Variants in CCSER1 observed in about 807,000 individuals in gnomAD.
CCSER1 encodes coiled-coil serine rich protein 1.
Under a neutral mutation model 82.0 loss-of-function variants are expected in CCSER1, and 41 were observed. The observed-to-expected ratio is 0.50, with a 90% CI of 0.39 to 0.65. The LOEUF (loss-of-function observed/expected upper bound fraction) is 0.65, where lower values mean the gene tolerates loss of function less well. Ranked by LOEUF, CCSER1 falls within the 30% of genes least tolerant of loss-of-function variation. The pLI, the probability that CCSER1 is intolerant of heterozygous loss-of-function variation, is 0.00. For synonymous variants in CCSER1, 414 were observed against 383.9 expected, an observed-to-expected ratio of 1.08 and a Z score of -0.92; for missense variants, 1,119 against 1,064.2, an observed-to-expected ratio of 1.05 and a Z score of -0.72.
intron 8 of CCSER1, among the ~76,000 whole-genome samples, chr4:90,914,436 T>C (rs1271376201): frequency 6.6e-6 from 1 of 152,162 alleles, no homozygotes; most frequent in Non-Finnish European, 1.5e-5. Flanking sequence ...AAGATGTTTT[T>C]TGAAACCAAT....
chr4:91,204,162 C>T (rs1238137439), intron 10 of CCSER1, among the ~76,000 whole-genome samples: 4 of 151,840 alleles, frequency 2.6e-5, no homozygotes, highest in Non-Finnish European at 4.4e-5. Context: ...TTTTATAAAG[C>T]TTAGGAATGG....
chr4:90,544,090 G>T (rs1776453574), intron 5 of CCSER1, among the ~76,000 whole-genome samples: 1 of 152,024 alleles, frequency 6.6e-6, no homozygotes, highest in Non-Finnish European at 1.5e-5. Flanking sequence ...ACCGGATGAG[G>T]GCCAGGTGAT....
intron 9 of CCSER1, among the ~76,000 whole-genome samples, chr4:91,059,256 GTT>G (rs11288453): frequency 2.5e-5 from 3 of 119,512 alleles, no homozygotes; most frequent in Non-Finnish European, 3.8e-5. Flanking sequence ...ATATAATAAA[GTT>G]TTTTTTTTCT....
At chr4:90,942,927 A>T (rs1731765149) in intron 9 of CCSER1, among the ~76,000 whole-genome samples, 1 of 146,986 alleles carries the variant, frequency 6.8e-6, no homozygotes, top group African/African-American at 2.5e-5. Context: ...TGTATATATT[A>T]TATAATTTTT....
chr4:90,276,631 C>G (rs762500883), intron 1 of CCSER1, among the ~76,000 whole-genome samples: 2 of 152,026 alleles, frequency 1.3e-5, no homozygotes, highest in Non-Finnish European at 2.9e-5. Flanking sequence ...TAGGCGTGAG[C>G]CACTGTGCCT....
chr4:90,571,495 C>G (rs1159058945), intron 5 of CCSER1, among the ~76,000 whole-genome samples: 1 of 152,116 alleles, frequency 6.6e-6, no homozygotes, highest in Non-Finnish European at 1.5e-5. Context: ...AATGCAGAAA[C>G]AGAAAACCAA....
chr4:91,374,156 A>G (rs1319204004), intron 10 of CCSER1, among the ~76,000 whole-genome samples: 2 of 152,192 alleles, frequency 1.3e-5, no homozygotes, highest in East Asian at 3.9e-4. Context: ...GCAGCAAGTT[A>G]TCTAGTAGAT....
chr4:90,155,291 T>C (rs1029475832), intron 1 of CCSER1, among the ~76,000 whole-genome samples: 2 of 152,138 alleles, frequency 1.3e-5, no homozygotes, highest in African/African-American at 4.8e-5. Flanking sequence ...CAGTATTTTA[T>C]TGAGGATTTT....
At chr4:91,075,087 A>G (rs1212140991) in intron 9 of CCSER1, among the ~76,000 whole-genome samples, 1 of 152,024 alleles carries the variant, frequency 6.6e-6, no homozygotes, top group African/African-American at 2.4e-5. Flanking sequence ...CTCCCTGTGT[A>G]CCTTAGACAA....
chr4:91,184,276 T>G (rs1369470627), intron 10 of CCSER1, among the ~76,000 whole-genome samples: 1 of 152,236 alleles, frequency 6.6e-6, no homozygotes, highest in Non-Finnish European at 1.5e-5. Context: ...TGGCAACACT[T>G]TCCAATGATA....
At chr4:90,550,433 T>A (rs1683443509) in intron 5 of CCSER1, among the ~76,000 whole-genome samples, 1 of 152,196 alleles carries the variant, frequency 6.6e-6, no homozygotes, top group Non-Finnish European at 1.5e-5. Flanking sequence ...TATAGTATTG[T>A]TTCATTTAGC....
intron 7 of CCSER1, among the ~76,000 whole-genome samples, chr4:90,784,688 C>T (rs1754233959): frequency 6.6e-6 from 1 of 152,138 alleles, no homozygotes; most frequent in South Asian, 2.1e-4. Context: ...ATAGAGGCAC[C>T]AACCCTCATG....
chr4:91,439,289 G>C (rs868159616), intron 10 of CCSER1, among the ~76,000 whole-genome samples: 1 of 152,186 alleles, frequency 6.6e-6, no homozygotes, highest in African/African-American at 2.4e-5. Flanking sequence ...TCTCTCGGCA[G>C]AAACTCTACA....
intron 10 of CCSER1, among the ~76,000 whole-genome samples, chr4:91,348,562 A>T (rs2149296370): frequency 6.6e-6 from 1 of 152,258 alleles, no homozygotes; most frequent in African/African-American, 2.4e-5. Flanking sequence ...TTTCATTTTT[A>T]AATTATTGGT....
chr4:91,187,827 A>C (rs980997205), intron 10 of CCSER1, among the ~76,000 whole-genome samples: 1 of 152,264 alleles, frequency 6.6e-6, no homozygotes, highest in Non-Finnish European at 1.5e-5. Context: ...TGCTGGGATT[A>C]CAGGCGTGAG....
At chr4:91,264,885 A>G (rs1222272655) in intron 10 of CCSER1, among the ~76,000 whole-genome samples, 1 of 152,068 alleles carries the variant, frequency 6.6e-6, no homozygotes, top group Non-Finnish European at 1.5e-5. Context: ...TTATTAAAAT[A>G]TTATGAAGAT....
intron 10 of CCSER1, among the ~76,000 whole-genome samples, chr4:91,344,179 TGA>T (rs1382744841): frequency 1.3e-5 from 2 of 152,166 alleles, no homozygotes; most frequent in East Asian, 3.9e-4. Flanking sequence ...AAAAGGGATC[TGA>T]GAGAGTTTGT....
At chr4:91,277,804 A>G (rs189924286) in intron 10 of CCSER1, among the ~76,000 whole-genome samples, 1 of 150,878 alleles carries the variant, frequency 6.6e-6, no homozygotes, top group East Asian at 2.0e-4. Context: ...TATTTTTTTG[A>G]TCTAGGGTTT....
intron 10 of CCSER1, among the ~76,000 whole-genome samples, chr4:91,152,220 A>C (rs1297601590): frequency 1.3e-5 from 2 of 152,100 alleles, no homozygotes; most frequent in Admixed American, 6.5e-5. Context: ...TCCCTTTACC[A>C]TTATGTAATA....
Sources: allele counts gnomAD v4.1 joint callset (sites outside exome capture counted in the v4.1 genomes callset), GRCh38; gene constraint gnomAD v4.1.1; transcripts MANE v1.5; gene names NCBI Gene and HGNC (gene_info 2026-07-23, HGNC 2026-07-21).